PUS7L: variants seen among roughly 807,000 people sequenced by gnomAD.
PUS7L encodes the protein pseudouridine synthase 7 like.
A neutral mutation model predicts 51.1 loss-of-function variants in PUS7L; 49 were observed. The observed-to-expected ratio is 0.96, with a 90% confidence interval of 0.76 to 1.22. The LOEUF is 1.22. PUS7L is among the 50% of genes most tolerant of loss of function. The pLI, the probability that PUS7L is intolerant of heterozygous loss-of-function variation, is 0.00. For synonymous variants in PUS7L, 277 were observed against 276.2 expected (o/e 1.00, Z -0.03); for missense variants, 828 against 820.6 (o/e 1.01, Z -0.11).
rs201776627 is a variant in PUS7L, at chr12:43,754,707, C to T, written c.539G>A (p.Arg180Lys). Residue 180 changes from arginine (R) to lysine (K), a missense_variant, in exon 2 of 9, where the codon AGG becomes AAG. Arg to Lys is a conservative substitution (Grantham distance 26). Coordinates refer to ENST00000344862, the MANE Select transcript of PUS7L (RefSeq NM_031292.5). ...AGTTACTAAAAATGGAAATTTCTGC[C>T]TAATGGCACTGTGTAAACTAGCCCT... is the stretch of plus-strand genomic sequence containing the variant. Reference protein sequence around the residue: ...NQRASLHSAIRQKFPFLVTVG... With the variant: ...NQRASLHSAIKQKFPFLVTVG... 182 of 1,613,892 alleles carry T rather than the reference C, an allele frequency of 1.1e-4. No individual in the cohort carries two copies. The Admixed American group carries it at 3.0e-3, about 26-fold the overall frequency.
chr12:43,748,717 TTTGTTGTTGTTG>T (rs560116165), intron 2 of PUS7L, 108 bp from the exon 3 acceptor site: 1 of 929,764 alleles, frequency 1.1e-6, no homozygotes, highest in Non-Finnish European at 1.5e-6. Flanking sequence ...TCTAAGGAGT[TTTGTTGTTGTTG>T]TTGTTGTTGT....
chr12:43,752,888 A>G (rs1392817815), intron 2 of PUS7L, among the ~76,000 whole-genome samples: 55 of 152,210 alleles, frequency 3.6e-4, no homozygotes, highest in Non-Finnish European at 1.0e-4. Flanking sequence ...TATGTTATGT[A>G]TATTTTAATG....
chr12:43,758,555 T>C (rs1366659124), intron 1 of PUS7L, 175 bp downstream of exon 1: 2 of 985,322 alleles, frequency 2.0e-6, no homozygotes, highest in African/African-American at 3.5e-5. Context: ...TACCTGTTTC[T>C]TCTCCCTCCT....
intron 5 of PUS7L, 46 bp from the exon 6 acceptor site, chr12:43,738,437 T>C: frequency 1.0e-6 from 1 of 982,808 alleles, no homozygotes; most frequent in Admixed American, 2.0e-5. Context: ...AAATGTCAAA[T>C]TACTTTCTTT....
At chr12:43,742,786 T>C (rs1346757022) in intron 4 of PUS7L, 1 of 330,976 alleles carries the variant, frequency 3.0e-6, no homozygotes, top group Non-Finnish European at 4.3e-6. Context: ...TAAAAATACG[T>C]CAGCTTTCCA....
rs934148235 is a variant in PUS7L, at chr12:43,722,688, C to G, written c.*7688G>C. The G allele has an allele frequency of 5.3e-5, 8 of 152,204 alleles. No individual in the cohort carries two copies. The South Asian group carries it at 1.7e-3, about 32-fold the overall frequency. 9.4% of individuals were successfully genotyped at this position (152,204 alleles called of 1,614,324 possible). On this transcript the variant is annotated 3_prime_UTR_variant, in exon 9 of 9. Coordinates refer to ENST00000344862, the MANE Select transcript of PUS7L (RefSeq NM_031292.5). ...TAAAGGTTATAGAAAAAATATCCAT[C>G]TTCCCTTTTTAGAAAAGAACACTAG...
chr12:43,751,981 T>C (rs1938473451), intron 2 of PUS7L, among the ~76,000 whole-genome samples: 1 of 152,248 alleles, frequency 6.6e-6, no homozygotes, highest in East Asian at 1.9e-4. Context: ...CATGTGTCTG[T>C]TGGCTGCATA....
In PUS7L at chr12:43,728,950, G is replaced by A; in HGVS notation, c.*1426C>T. ...CGTGGCAGTGCCAGGGTTCAAACTGGGTTAGTTTGTCTCCAATATCTGTGC... is the reference window on the plus strand; with the variant it reads ...CGTGGCAGTGCCAGGGTTCAAACTGAGTTAGTTTGTCTCCAATATCTGTGC... On this transcript the variant is annotated 3_prime_UTR_variant, in exon 9 of 9. Transcript: ENST00000344862. 3.3e-6 allele frequency: 1 copy of A among 302,218 alleles called. No individual in the cohort carries two copies. The highest frequency in any genetic ancestry group is 6.1e-6 in the Non-Finnish European group (1 of 164,856). 18.7% of individuals were successfully genotyped at this position (302,218 alleles called of 1,614,324 possible).
chr12:43,754,997 T>G lies in PUS7L; in HGVS notation c.249A>C (p.Gly83=), dbSNP rs778320477. ...LDLQNLSLED[G]RNQEVHTLIK... is the part of the protein sequence containing the mutation. Reference sequence around the variant, plus strand: ...TCAAAGTATGAACTTCTTGGTTTCTTCCATCTTCTAAGGACAGATTTTGAA... The same window carrying G: ...TCAAAGTATGAACTTCTTGGTTTCTGCCATCTTCTAAGGACAGATTTTGAA... The change falls in exon 2 of 9, where the codon GGA becomes GGC. Residue 83 remains glycine (G), a synonymous_variant. Coordinates refer to ENST00000344862, the MANE Select transcript of PUS7L (RefSeq NM_031292.5). 11 of 1,613,090 alleles carry G rather than the reference T, an allele frequency of 6.8e-6. No individual in the cohort carries two copies. The highest frequency in any genetic ancestry group is 9.3e-6 in the Non-Finnish European group (11 of 1,179,622).
rs993581678 is a variant in PUS7L, at chr12:43,726,980, T to C, written c.*3396A>G. 1 of 151,984 alleles carries C rather than the reference T, an allele frequency of 6.6e-6. No individual in the cohort carries two copies. The highest frequency in any genetic ancestry group is 1.5e-5 in the Non-Finnish European group (1 of 67,978). The allele number at this position is 151,984 out of a possible 1,614,324, so 9.4% of individuals were successfully genotyped here. A position where few individuals can be genotyped will look rare whatever the true frequency, so the allele number is the denominator to read the frequency against. ...ACAAAGGTCTGATATCCAGAATCTA[T>C]GAAGAACTTAACAAGCAAAAAATTA... On this transcript the variant is annotated 3_prime_UTR_variant, in exon 9 of 9. Coordinates refer to ENST00000344862, the MANE Select transcript of PUS7L (RefSeq NM_031292.5).
Position 43,736,378 on chromosome 12 carries a change from T to A in PUS7L, c.1725+3A>T, listed in dbSNP as rs1944689018. ...TGGAAAACTCTGATGGAATGATACT[T>A]ACTTTACTATTTGGGAAATTCTCGT... On this transcript the variant is annotated splice_donor_region_variant and intron_variant, in intron 7 of 8. Transcript: ENST00000344862. 6.2e-7 allele frequency: 1 copy of A among 1,612,702 alleles called. No individual in the cohort carries two copies. Among genetic ancestry groups the A allele is most frequent in the Non-Finnish European group, 8.5e-7 (1 of 1,179,112 alleles).
At chr12:43,743,908 C>T (rs939741587) in intron 4 of PUS7L, among the ~76,000 whole-genome samples, 6 of 152,220 alleles carry the variant, frequency 3.9e-5, no homozygotes, top group African/African-American at 1.4e-4. Context: ...CTTCAAAGTA[C>T]TTAGATATAA....
chr12:43,750,543 A>G (rs1427810666), intron 2 of PUS7L, among the ~76,000 whole-genome samples: 1 of 152,206 alleles, frequency 6.6e-6, no homozygotes, highest in Non-Finnish European at 1.5e-5. Flanking sequence ...TTACATATTT[A>G]AAAACAAAGT....
intron 7 of PUS7L, among the ~76,000 whole-genome samples, chr12:43,735,926 G>A (rs144164487): frequency 0.055 from 8,421 of 152,034 alleles, 239 homozygotes; most frequent in Middle Eastern, 0.13. Context: ...ACAGGCGTGC[G>A]CTACCACACC....
rs1459575576 is a variant in PUS7L at position 43,729,459 on chromosome 12, A to T, written c.*917T>A. 1 of 355,332 alleles carries T rather than the reference A, an allele frequency of 2.8e-6. No individual in the cohort carries two copies. Among genetic ancestry groups the T allele is most frequent in the Non-Finnish European group, 5.0e-6 (1 of 198,110 alleles). The allele number at this position is 355,332 out of a possible 1,614,324, so 22.0% of individuals were successfully genotyped here. On this transcript the variant is annotated 3_prime_UTR_variant, in exon 9 of 9. Transcript: ENST00000344862. The stretch of plus-strand genomic sequence containing the variant: ...AGTCATTCCTCCCCAACACACCCAT[A>T]TTTAACTGATATAAAATGGTGAAGG...
chr12:43,746,378 T>C, intron 3 of PUS7L, 140 bp from the exon 4 acceptor site: 1 of 511,814 alleles, frequency 2.0e-6, no homozygotes, highest in Admixed American at 3.9e-5. Flanking sequence ...CTAAAGTTAA[T>C]GTTATTTCAC....
Position 43,732,770 on chromosome 12 carries a change from G to A in PUS7L, c.1726-1012C>T, listed in dbSNP as rs187975157. ...AACTCTCCCTAGTCTTATCAATAAT[G>A]TTGCTCCTTTTTGTTTTTAATTTAG... On this transcript the variant is annotated intron_variant, in intron 7 of 8. Transcript: ENST00000344862. Among the ~76,000 whole-genome samples, 254 of 152,178 alleles carry A rather than the reference G, an allele frequency of 1.7e-3. 1 individual carries two copies. The highest frequency in any genetic ancestry group is 5.9e-3 in the African/African-American group (245 of 41,522).
chr12:43,736,865 T>TA (rs369648072), intron 6 of PUS7L, among the ~76,000 whole-genome samples: 3,728 of 138,994 alleles, frequency 0.027, 72 homozygotes, highest in African/African-American at 0.055. Flanking sequence ...TCCCTGCTAT[T>TA]AAAAAAAAAA....
chr12:43,754,305 C>T (rs754337377), intron 2 of PUS7L, 31 bp downstream of exon 2: 1 of 1,421,594 alleles, frequency 7.0e-7, no homozygotes, highest in South Asian at 1.3e-5. Context: ...TAAGCTTATC[C>T]AAGAAAATGG....
Sources: gnomAD v4.1 joint callset for allele counts (sites outside exome capture counted in the v4.1 genomes callset) on GRCh38, gnomAD v4.1.1 for gene constraint, MANE v1.5 for transcripts, NCBI Gene and HGNC (gene_info 2026-07-23, HGNC 2026-07-21) for gene names.